Variants in COL15A1 observed in about 807,000 individuals in gnomAD.
The protein encoded by COL15A1 is collagen type XV alpha 1 chain, also known as collagen alpha-1(XV) chain.
In COL15A1, 111 loss-of-function variants were observed where a neutral mutation model predicts 165.9. The observed-to-expected ratio is 0.67, with a 90% CI of 0.57 to 0.78. The LOEUF is 0.78. Among genes scored for constraint, COL15A1 ranks in the 30% least tolerant of loss-of-function variants. The pLI is 0.00. For synonymous variants in COL15A1, 659 were observed against 674.8 expected, an observed-to-expected ratio of 0.98 and a Z score of 0.36; for missense variants, 1,745 against 1,789.7, an observed-to-expected ratio of 0.98 and a Z score of 0.45.
At chr9:98,953,934 G>A (rs534127249) in intron 2 of COL15A1, among the ~76,000 whole-genome samples, 1 of 152,244 alleles carries the variant, frequency 6.6e-6, no homozygotes, top group Non-Finnish European at 1.5e-5. Flanking sequence ...ACAGATGTCT[G>A]TCTTCCTCCT....
At chr9:99,025,832 C>T (rs1839114150) in intron 15 of COL15A1, 72 bp from the exon 16 acceptor site, 1 of 1,530,586 alleles carries the variant, frequency 6.5e-7, no homozygotes. Context: ...CCCTGCCCTC[C>T]TTTTCTAGCA....
In COL15A1 at chr9:99,000,845, G is replaced by C. The variant is rs1838639030; in HGVS notation, c.959G>C (p.Gly320Ala). 13 of 1,538,670 alleles carry C rather than the reference G, an allele frequency of 8.4e-6. No homozygotes were observed. The highest frequency in any genetic ancestry group is 1.2e-5 in the Non-Finnish European group (13 of 1,112,248). ...IQHSSPKQGS[G>A]EILNDTLEGV... ...GAATGCCTGCTTCCTGTAGGGTCTG[G>C]TGAGATCCTGAATGACACACTGGAG... The change falls in exon 7 of 42, where the codon GGT becomes GCT. Residue 320 changes from glycine (G) to alanine (A), a missense_variant. Physicochemically the swap from Gly to Ala is moderately conservative, Grantham distance 60 (BLOSUM62 0). Coordinates refer to ENST00000375001, the MANE Select transcript of COL15A1 (RefSeq NM_001855.5).
intron 6 of COL15A1, among the ~76,000 whole-genome samples, chr9:99,000,450 G>A (rs574365490): frequency 5.3e-5 from 8 of 150,926 alleles, no homozygotes; most frequent in South Asian, 4.2e-4. Flanking sequence ...TTTTACACAC[G>A]TAAAACCATA....
At chr9:98,974,137 A>G (rs1483134008) in intron 2 of COL15A1, among the ~76,000 whole-genome samples, 1 of 152,182 alleles carries the variant, frequency 6.6e-6, no homozygotes, top group African/African-American at 2.4e-5. Context: ...TGGGAGTTGC[A>G]GGGGCGGTTG....
At chr9:98,991,859 T>C (rs1208692548) in intron 5 of COL15A1, among the ~76,000 whole-genome samples, 3 of 151,844 alleles carry the variant, frequency 2.0e-5, no homozygotes, top group Non-Finnish European at 4.4e-5. Flanking sequence ...AGAGTGCTGA[T>C]TGGTGTATTT....
rs1478259863 is a variant in COL15A1, at chr9:99,069,572, G to A, written c.3954-101G>A. 6 of 1,438,216 alleles carry A rather than the reference G, an allele frequency of 4.2e-6. No homozygotes were observed. The East Asian group carries it at 9.2e-5, about 22-fold the overall frequency. 89.1% of individuals were successfully genotyped at this position (1,438,216 alleles called of 1,614,324 possible). ...AGAAGTGATTTGGCATCAGGGTTAAGGAGTTTAACTTGATTCATTAGACTT... is the reference window on the plus strand; with the variant it reads ...AGAAGTGATTTGGCATCAGGGTTAAAGAGTTTAACTTGATTCATTAGACTT... On this transcript the variant is annotated intron_variant, in intron 41 of 41. Transcript: ENST00000375001.
intron 39 of COL15A1, among the ~76,000 whole-genome samples, chr9:99,065,358 G>T (rs1174850917): frequency 6.6e-6 from 1 of 152,112 alleles, no homozygotes; most frequent in Non-Finnish European, 1.5e-5. Flanking sequence ...GGAAGATGAT[G>T]AGACCATAGG....
chr9:98,989,620 AT>A (rs1838381631), intron 5 of COL15A1, among the ~76,000 whole-genome samples: 1 of 152,204 alleles, frequency 6.6e-6, no homozygotes, highest in Non-Finnish European at 1.5e-5. Flanking sequence ...TAATAGCCCT[AT>A]CTCATAGGGT....
Position 99,033,693 on chromosome 9 carries a change from C to T in COL15A1, c.2044-856C>T, listed in dbSNP as rs578147173. ...TTTGATATAAGGAGGAGACTGTAGC[C>T]CAGGAACAAAAATGACTGGGGGGAA... On this transcript the variant is annotated intron_variant, in intron 16 of 41. Coordinates refer to ENST00000375001, the MANE Select transcript of COL15A1 (RefSeq NM_001855.5). 8.4e-4 allele frequency among the ~76,000 whole-genome samples: 128 copies of T among 152,272 alleles called. 1 individual carries two copies. The highest frequency in any genetic ancestry group is 6.8e-3 in the Middle Eastern group (2 of 294).
intron 2 of COL15A1, among the ~76,000 whole-genome samples, chr9:98,959,343 G>T (rs971953192): frequency 1.9e-4 from 28 of 151,104 alleles, no homozygotes; most frequent in Admixed American, 6.6e-5. Context: ...GAGCCCAGGA[G>T]ACCACCATGC....
chr9:98,959,193 C>T (rs551826775), intron 2 of COL15A1, among the ~76,000 whole-genome samples: 6 of 141,924 alleles, frequency 4.2e-5, no homozygotes, highest in African/African-American at 1.6e-4. Flanking sequence ...GAGTTCGAGA[C>T]CAGCCTAGGC....
chr9:98,950,432 T>C (rs965460825), intron 2 of COL15A1, among the ~76,000 whole-genome samples: 1 of 152,094 alleles, frequency 6.6e-6, no homozygotes, highest in African/African-American at 2.4e-5. Flanking sequence ...TTTCTTTCTT[T>C]CTTTTTTCTT....
intron 2 of COL15A1, among the ~76,000 whole-genome samples, chr9:98,950,410 T>C (rs1314318679): frequency 1.3e-5 from 2 of 152,212 alleles, no homozygotes; most frequent in Admixed American, 6.5e-5. Context: ...TTGTGGTTTT[T>C]ATTTGCAATT....
In COL15A1 at chr9:98,980,702, G is replaced by A. The variant is rs115609062; in HGVS notation, c.101-4863G>A. Among the ~76,000 whole-genome samples, 781 of 152,304 alleles carry A rather than the reference G, an allele frequency of 5.1e-3. 2 individuals are homozygous for A. Among genetic ancestry groups the A allele is most frequent in the African/African-American group, 0.017 (705 of 41,570 alleles). On this transcript the variant is annotated intron_variant, in intron 2 of 41. Transcript: ENST00000375001. The stretch of plus-strand genomic sequence containing the variant: ...ACAGGATCAGATGTGCTCTTTTGTC[G>A]AGGAGGGGTTAATCGTTTTCATAAA...
intron 2 of COL15A1, among the ~76,000 whole-genome samples, chr9:98,949,057 T>C (rs1322502965): frequency 1.3e-5 from 2 of 152,242 alleles, no homozygotes; most frequent in African/African-American, 4.8e-5. Flanking sequence ...CATCCCTTTC[T>C]TGCTTTTTAA....
At position 99,069,682 on chromosome 9, in the gene COL15A1, A is replaced by G; in HGVS notation, c.3963A>G (p.Lys1321=). The change falls in exon 42 of 42, where the codon AAA becomes AAG. Residue 1321 remains lysine, a synonymous_variant. Transcript: ENST00000375001. ...CAAAATTACTTTATAGGCCCCAGAAAGTCATTTGGCATGGCTCCAGCCCCC... is the reference window on the plus strand; with the variant it reads ...CAAAATTACTTTATAGGCCCCAGAAGGTCATTTGGCATGGCTCCAGCCCCC... ...DIMTDPSWPQ[K]VIWHGSSPHG... 1 of 1,598,298 alleles carries G rather than the reference A, an allele frequency of 6.3e-7. No homozygotes were observed. Among genetic ancestry groups the G allele is most frequent in the South Asian group, 1.1e-5 (1 of 90,128 alleles).
intron 5 of COL15A1, among the ~76,000 whole-genome samples, chr9:98,990,894 G>C (rs1285107415): frequency 6.6e-6 from 1 of 152,142 alleles, no homozygotes; most frequent in East Asian, 1.9e-4. Context: ...CTTAAAGGTA[G>C]TGTGTCTGGA....
chr9:99,025,825 T>G (rs55711650), intron 15 of COL15A1, 79 bp from the exon 16 acceptor site: 1 of 1,490,014 alleles, frequency 6.7e-7, no homozygotes, highest in Non-Finnish European at 9.2e-7. Flanking sequence ...CTCCCAACCC[T>G]GCCCTCCTTT....
rs529177276 is a variant in COL15A1, at chr9:98,944,249, A to C, written c.99A>C (p.Thr33=). 7 of 1,613,542 alleles carry C rather than the reference A, an allele frequency of 4.3e-6. No individual in the cohort carries two copies. Among genetic ancestry groups the C allele is most frequent in the Non-Finnish European group, 5.9e-6 (7 of 1,179,860 alleles). Residue 33 remains threonine, a splice_region_variant and synonymous_variant, in exon 2 of 42, where the codon ACA becomes ACC. Coordinates refer to ENST00000375001, the MANE Select transcript of COL15A1 (RefSeq NM_001855.5). ...LPAVTQTRGA[T]ETASQGHLDL... is the part of the protein sequence containing the mutation. Reference sequence around the variant, plus strand: ...CTGTCACCCAGACCCGCGGTGCGACAGGTAAGCAACCCGGTCGGAGGGTGG... The same window carrying C: ...CTGTCACCCAGACCCGCGGTGCGACCGGTAAGCAACCCGGTCGGAGGGTGG...
Sources: gnomAD v4.1 joint callset for allele counts (sites outside exome capture counted in the v4.1 genomes callset) on GRCh38, gnomAD v4.1.1 for gene constraint, MANE v1.5 for transcripts, NCBI Gene and HGNC (gene_info 2026-07-23, HGNC 2026-07-21) for gene names.